Variants in SLC7A2 observed in about 807,000 individuals in gnomAD.
SLC7A2 encodes the protein cationic amino acid transporter 2.
A neutral mutation model predicts 58.9 loss-of-function variants in SLC7A2; 48 were observed. The observed-to-expected ratio is 0.82, with a 90% CI of 0.65 to 1.04. The LOEUF (loss-of-function observed/expected upper bound fraction) is 1.04, where lower values mean the gene tolerates loss of function less well. Among genes scored for constraint, SLC7A2 ranks in the 50% least tolerant of loss-of-function variants. The probability of loss-of-function intolerance (pLI) is 0.00; values close to 1 mark genes in which losing one functional copy is unlikely to be tolerated. For synonymous variants in SLC7A2, 363 were observed against 314.5 expected, an observed-to-expected ratio of 1.15 and a Z score of -1.63; for missense variants, 1,029 against 818.8, an observed-to-expected ratio of 1.26 and a Z score of -3.13.
At chr8:17,500,128 A>T (rs962707095) in intron 1 of SLC7A2, 1 of 152,232 alleles carries the variant, frequency 6.6e-6, no homozygotes, top group Admixed American at 6.5e-5. Context: ...GGGGAACTCC[A>T]TTGATGGATT....
intron 9 of SLC7A2, 148 bp downstream of exon 9, chr8:17,558,545 A>G: frequency 1.9e-6 from 1 of 519,860 alleles, no homozygotes; most frequent in East Asian, 3.1e-5. Context: ...TGAAAAGTGG[A>G]AGAAGCGTAT....
chr8:17,566,649 G>T lies in SLC7A2; in HGVS notation c.*1503G>T, dbSNP rs988694552. 1 of 147,786 alleles carries T rather than the reference G, an allele frequency of 6.8e-6. No individual in the cohort carries two copies. The highest frequency in any genetic ancestry group is 6.7e-5 in the Admixed American group (1 of 14,966). 9.2% of individuals were successfully genotyped at this position (147,786 alleles called of 1,614,324 possible). On this transcript the variant is annotated 3_prime_UTR_variant, in exon 13 of 13. Coordinates refer to ENST00000494857, the MANE Select transcript of SLC7A2 (RefSeq NM_001370338.1). ...ATTGAATTAAAGCTATATAAACACA[G>T]TTAACCCTTGTAAATGAGTAAACAA...
intron 2 of SLC7A2, among the ~76,000 whole-genome samples, chr8:17,509,339 G>A (rs922199771): frequency 6.6e-6 from 1 of 151,842 alleles, no homozygotes; most frequent in African/African-American, 2.4e-5. Flanking sequence ...ACAGAGTTTC[G>A]CTCTGTCGCC....
chr8:17,561,425 G>T (rs1802977179), intron 10 of SLC7A2, among the ~76,000 whole-genome samples: 1 of 152,142 alleles, frequency 6.6e-6, no homozygotes, highest in Non-Finnish European at 1.5e-5. Context: ...ACTGCCATGA[G>T]AACAGTGTGG....
intron 2 of SLC7A2, among the ~76,000 whole-genome samples, chr8:17,505,092 G>A (rs1042891127): frequency 9.8e-5 from 8 of 81,374 alleles, no homozygotes; most frequent in South Asian, 5.1e-4. Context: ...CCCCCCCGCC[G>A]CCCACCCGAT....
Position 17,528,025 on chromosome 8 carries a change from C to A in SLC7A2, c.-22-15293C>A, listed in dbSNP as rs539364909. ...CAGGGGTGATTGGGAGCCATCCAGG[C>A]GAAGAGGGGAAGGAGTAACCTTCCA... On this transcript the variant is annotated intron_variant, in intron 2 of 12. Transcript: ENST00000494857. 3.3e-4 allele frequency among the ~76,000 whole-genome samples: 50 copies of A among 152,026 alleles called. 1 individual carries two copies. Among genetic ancestry groups the A allele is most frequent in the African/African-American group, 1.2e-3 (48 of 41,430 alleles).
Position 17,566,711 on chromosome 8 carries a change from A to C in SLC7A2, c.*1565A>C, listed in dbSNP as rs1171258821. 1 of 152,164 alleles carries C rather than the reference A, an allele frequency of 6.6e-6. No individual in the cohort carries two copies. The highest frequency in any genetic ancestry group is 1.5e-5 in the Non-Finnish European group (1 of 68,036). The allele number at this position is 152,164 out of a possible 1,614,324, so 9.4% of individuals were successfully genotyped here. ...TAAGATTCTCTAATTGTCATATTTT[A>C]CTTTTTAGGATTCCCTAATAGTGGA... On this transcript the variant is annotated 3_prime_UTR_variant, in exon 13 of 13. Transcript: ENST00000494857.
At position 17,563,604 on chromosome 8, in the gene SLC7A2, T is replaced by A. The variant is rs1203577672; in HGVS notation, c.1673T>A (p.Val558Asp). 2 of 1,593,056 alleles carry A rather than the reference T, an allele frequency of 1.3e-6. No individual in the cohort carries two copies. Among genetic ancestry groups the A allele is most frequent in the East Asian group, 4.5e-5 (2 of 44,744 alleles). The stretch of plus-strand genomic sequence containing the variant: ...CAAAAGGATTGTTTTCCCCCTCAGG[T>A]TCCATTCTTACCATTTTTGCCAGCG... ...PQNQQKVAFM[V>D]PFLPFLPAFS... The change falls in exon 12 of 13, where the codon GTT (valine) becomes GAT (aspartate). Residue 558 changes from valine to aspartate, a missense_variant and splice_region_variant. By Grantham distance (152) the Val-to-Asp change is radical. Coordinates refer to ENST00000494857, the MANE Select transcript of SLC7A2 (RefSeq NM_001370338.1).
chr8:17,553,409 G>A (rs6994712), intron 7 of SLC7A2, among the ~76,000 whole-genome samples: 54,884 of 151,836 alleles, frequency 0.36, 10,312 homozygotes, highest in African/African-American at 0.47. Flanking sequence ...TGAAGATACC[G>A]TGCTACCATG....
intron 9 of SLC7A2, 103 bp from the exon 10 acceptor site, chr8:17,560,225 A>G (rs748639876): frequency 3.8e-6 from 3 of 787,826 alleles, no homozygotes; most frequent in South Asian, 3.2e-5. Flanking sequence ...TACTCTACAC[A>G]CTATCACTCT....
In SLC7A2 at chr8:17,503,396, T is replaced by C. The variant is rs1800245664; in HGVS notation, c.-23+1094T>C. Among the ~76,000 whole-genome samples the C allele has an allele frequency of 2.6e-5, 4 of 152,308 alleles. No homozygotes were observed. The South Asian group carries it at 8.3e-4, about 32-fold the overall frequency. On this transcript the variant is annotated intron_variant, in intron 2 of 12. Coordinates refer to ENST00000494857, the MANE Select transcript of SLC7A2 (RefSeq NM_001370338.1). ...AATTTTATGCTTCAGAAGGGTGGCTTTTTCTTTAGATCGCGAGTTTTTTCC... is the reference window on the plus strand; with the variant it reads ...AATTTTATGCTTCAGAAGGGTGGCTCTTTCTTTAGATCGCGAGTTTTTTCC...
At chr8:17,531,043 A>G in intron 2 of SLC7A2, among the ~76,000 whole-genome samples, 1 of 152,234 alleles carries the variant, frequency 6.6e-6, no homozygotes, top group East Asian at 1.9e-4. Flanking sequence ...GTGTGGTTTC[A>G]AATAATTGCT....
rs750368327 is a variant in SLC7A2 at position 17,551,919 on chromosome 8, G to C, written c.988G>C (p.Glu330Gln). ...AAAAAGCCCCCTTCCTGTAGCGTTTGAATATGTGGGATGGGGTCCTGCCAA... is the reference window on the plus strand; with the variant it reads ...AAAAAGCCCCCTTCCTGTAGCGTTTCAATATGTGGGATGGGGTCCTGCCAA... Reference protein sequence around the residue: ...DEKSPLPVAFEYVGWGPAKYV... With the variant: ...DEKSPLPVAFQYVGWGPAKYV... The change falls in exon 7 of 13, where the codon GAA (glutamate) becomes CAA (glutamine). Residue 330 changes from glutamate (E) to glutamine (Q), a missense_variant. By Grantham distance (29) the Glu-to-Gln change is conservative. Transcript: ENST00000494857. The C allele has an allele frequency of 1.2e-6, 2 of 1,613,976 alleles. No homozygotes were observed. Among genetic ancestry groups the C allele is most frequent in the South Asian group, 2.2e-5 (2 of 91,070 alleles).
chr8:17,542,461 G>A (rs545992130), intron 2 of SLC7A2, among the ~76,000 whole-genome samples: 29 of 152,234 alleles, frequency 1.9e-4, no homozygotes, highest in African/African-American at 6.5e-4. Context: ...GACCAGCATG[G>A]GCAACATAGT....
At chr8:17,523,221 C>T (rs1000657871) in intron 2 of SLC7A2, among the ~76,000 whole-genome samples, 4 of 151,964 alleles carry the variant, frequency 2.6e-5, no homozygotes, top group African/African-American at 7.3e-5. Flanking sequence ...AAATTCAGTG[C>T]AACTCCCATC....
At chr8:17,510,294 G>A (rs1420490310) in intron 2 of SLC7A2, among the ~76,000 whole-genome samples, 1 of 151,928 alleles carries the variant, frequency 6.6e-6, no homozygotes, top group East Asian at 1.9e-4. Flanking sequence ...GAAAGTATCT[G>A]CAGAAACGTC....
At chr8:17,560,242 T>G in intron 9 of SLC7A2, 86 bp from the exon 10 acceptor site, 1 of 903,814 alleles carries the variant, frequency 1.1e-6, no homozygotes, top group Non-Finnish European at 1.8e-6. Context: ...CTCTGTATGA[T>G]GTCTTACTTA....
chr8:17,514,585 A>C (rs1183991320), intron 2 of SLC7A2, among the ~76,000 whole-genome samples: 1 of 152,114 alleles, frequency 6.6e-6, no homozygotes, highest in Non-Finnish European at 1.5e-5. Flanking sequence ...TCCCTTTTAT[A>C]GCTGTTCTGA....
chr8:17,505,689 T>C (rs893741696), intron 2 of SLC7A2, among the ~76,000 whole-genome samples: 2 of 152,176 alleles, frequency 1.3e-5, no homozygotes, highest in African/African-American at 2.4e-5. Context: ...AAAAAATGGG[T>C]AAGCATAGTC....
Sources: gnomAD v4.1 joint callset for allele counts (sites outside exome capture counted in the v4.1 genomes callset) on GRCh38, gnomAD v4.1.1 for gene constraint, MANE v1.5 for transcripts, NCBI Gene and HGNC (gene_info 2026-07-23, HGNC 2026-07-21) for gene names.